Variants in KCNG2 observed in about 807,000 individuals in gnomAD.
KCNG2 encodes the protein voltage-gated potassium channel regulatory subunit KCNG2.
A neutral mutation model predicts 12.3 loss-of-function variants in KCNG2; 7 were observed. The ratio of observed to expected loss-of-function variants is 0.57; its 90% CI spans 0.32 to 1.07. KCNG2 has a LOEUF of 1.07. Ranked by LOEUF, KCNG2 falls within the 50% of genes least tolerant of loss-of-function variation. KCNG2 has a pLI of 0.04. For synonymous variants in KCNG2, 414 were observed against 351.4 expected, an observed-to-expected ratio of 1.18 and a Z score of -1.99; for missense variants, 703 against 726.0, an observed-to-expected ratio of 0.97 and a Z score of 0.36.
intron 1 of KCNG2, among the ~76,000 whole-genome samples, chr18:79,848,296 G>A (rs1395004993): frequency 2.0e-5 from 3 of 152,206 alleles, no homozygotes; most frequent in African/African-American, 7.2e-5. Context: ...TTAGAGCTGC[G>A]CAGCCTAAAA....
chr18:79,867,532 G>C (rs1379122208), intron 3 of KCNG2, among the ~76,000 whole-genome samples: 1 of 124,616 alleles, frequency 8.0e-6, no homozygotes, highest in Non-Finnish European at 1.7e-5. Flanking sequence ...TGTCTGGGGG[G>C]GGACCGTGAG....
Position 79,863,623 on chromosome 18 carries a change from TGCAGGAGCCGG to T in KCNG2, c.-35_-25del. The T allele has an allele frequency of 1.7e-3, 2,001 of 1,203,190 alleles. 46 individuals are homozygous for T. In the Admixed American group the frequency reaches 0.039, roughly 23 times the overall value. 74.5% of individuals were successfully genotyped at this position (1,203,190 alleles called of 1,614,324 possible). A position where few individuals can be genotyped will look rare whatever the true frequency, so the allele number is the denominator to read the frequency against. The stretch of plus-strand genomic sequence containing the variant: ...CGACCCTAACGCGGTCCGTTCCTTT[TGCAGGAGCCGG>T]GCAGGAGCCCCTCGGTCCGGTCCGG... On this transcript the variant is annotated splice_acceptor_variant and splice_polypyrimidine_tract_variant and 5_prime_UTR_variant and intron_variant, in exon 3 of 4. Transcript: ENST00000316249. LOFTEE classifies it low-confidence loss of function (5UTR_SPLICE).
intron 1 of KCNG2, among the ~76,000 whole-genome samples, chr18:79,835,602 G>A (rs1398156455): frequency 1.3e-5 from 2 of 152,222 alleles, no homozygotes; most frequent in Non-Finnish European, 2.9e-5. Context: ...GAACTGGAAG[G>A]TAGAATGGTA....
chr18:79,873,559 C>T (rs1000039171), intron 3 of KCNG2, among the ~76,000 whole-genome samples: 26 of 152,188 alleles, frequency 1.7e-4, no homozygotes, highest in African/African-American at 5.8e-4. Context: ...CCTAGCTGTC[C>T]GGCCGTGAGC....
At chr18:79,809,734 C>T (rs1230354265) in intron 1 of KCNG2, among the ~76,000 whole-genome samples, 1 of 152,252 alleles carries the variant, frequency 6.6e-6, no homozygotes, top group African/African-American at 2.4e-5. Context: ...AGGCAATCTT[C>T]ACGCCCACTC....
At chr18:79,801,888 G>A (rs972284929) in intron 1 of KCNG2, among the ~76,000 whole-genome samples, 7 of 152,184 alleles carry the variant, frequency 4.6e-5, no homozygotes, top group Middle Eastern at 3.2e-3. Context: ...TTCATTGCCC[G>A]CGTTTCTCAT....
chr18:79,869,538 A>G (rs1416702285), intron 3 of KCNG2, among the ~76,000 whole-genome samples: 1 of 151,626 alleles, frequency 6.6e-6, no homozygotes, highest in Non-Finnish European at 1.5e-5. Context: ...GGACACCTGG[A>G]CCCGCCCTGT....
In KCNG2 at chr18:79,822,398, A is replaced by G. The variant is rs2123006937; in HGVS notation, c.-115+24384A>G. Among the ~76,000 whole-genome samples the G allele has an allele frequency of 6.6e-6, 1 of 152,072 alleles. No homozygotes were observed. Among genetic ancestry groups the G allele is most frequent in the South Asian group, 2.1e-4 (1 of 4,804 alleles). On this transcript the variant is annotated intron_variant, in intron 1 of 3. Transcript: ENST00000316249. This position sits in a 1 kb window ranked among gnomAD's most constrained non-coding sequence, Gnocchi z 4.4. ...CATCATCCGTCTGTAATAGCTCTCC[A>G]GTTTGTTTTTCGTTTTTGTTTTTCA... is the stretch of plus-strand genomic sequence containing the variant.
Position 79,899,223 on chromosome 18 carries a change from C to T in KCNG2, c.808C>T (p.Leu270=). The change falls in exon 4 of 4, where the codon CTG becomes TTG. Residue 270 remains leucine (L), a synonymous_variant. Coordinates refer to ENST00000316249, the MANE Select transcript of KCNG2 (RefSeq NM_012283.2). ...GTTCTACGTGTCGCTGCTGCTGGGGCTGGCGGCAGGCCCGGGCGGGACCAA... is the reference window on the plus strand; with the variant it reads ...GTTCTACGTGTCGCTGCTGCTGGGGTTGGCGGCAGGCCCGGGCGGGACCAA... ...LPFYVSLLLG[L]AAGPGGTKLL... The T allele has an allele frequency of 2.5e-6, 4 of 1,601,208 alleles. No homozygotes were observed. Among genetic ancestry groups the T allele is most frequent in the Non-Finnish European group, 3.4e-6 (4 of 1,179,046 alleles).
intron 1 of KCNG2, among the ~76,000 whole-genome samples, chr18:79,851,447 C>T (rs1005895898): frequency 3.9e-5 from 6 of 152,220 alleles, no homozygotes; most frequent in African/African-American, 1.4e-4. Context: ...CACTTTCCAG[C>T]CCTCAGTCAA....
chr18:79,867,547 T>G (rs1281193174), intron 3 of KCNG2, among the ~76,000 whole-genome samples: 2 of 83,142 alleles, frequency 2.4e-5, no homozygotes, highest in East Asian at 4.1e-4. Context: ...CGTGAGCTCG[T>G]CGTGTGTCGT....
At position 79,872,103 on chromosome 18, in the gene KCNG2, G is replaced by T. The variant is rs944162172; in HGVS notation, c.624+7812G>T. 2.6e-5 allele frequency among the ~76,000 whole-genome samples: 4 copies of T among 152,044 alleles called. No homozygotes were observed. The East Asian group carries it at 7.7e-4, about 29-fold the overall frequency. On this transcript the variant is annotated intron_variant, in intron 3 of 3. Coordinates refer to ENST00000316249, the MANE Select transcript of KCNG2 (RefSeq NM_012283.2). Reference sequence around the variant, plus strand: ...AGAGGCTCGTGGAGGCCTGCAAACGGCAGGGCCTGGAAACTCCATGGGCAG... The same window carrying T: ...AGAGGCTCGTGGAGGCCTGCAAACGTCAGGGCCTGGAAACTCCATGGGCAG...
At chr18:79,827,872 G>T (rs1568248057) in intron 1 of KCNG2, among the ~76,000 whole-genome samples, 1 of 151,844 alleles carries the variant, frequency 6.6e-6, no homozygotes, top group Non-Finnish European at 1.5e-5. Flanking sequence ...TGTTTAAACA[G>T]AATTAGCAGT....
intron 1 of KCNG2, among the ~76,000 whole-genome samples, chr18:79,807,239 T>G (rs1426771249): frequency 6.6e-6 from 1 of 152,162 alleles, no homozygotes; most frequent in Non-Finnish European, 1.5e-5. Context: ...CGTCGCGTAG[T>G]CTGATGTTTT....
intron 1 of KCNG2, among the ~76,000 whole-genome samples, chr18:79,817,765 C>T (rs1409074950): frequency 1.3e-5 from 2 of 152,240 alleles, no homozygotes; most frequent in African/African-American, 4.8e-5. Flanking sequence ...TTAGCCACAA[C>T]CTCCTGTGGC....
chr18:79,869,563 C>T (rs921869683), intron 3 of KCNG2, among the ~76,000 whole-genome samples: 5 of 152,194 alleles, frequency 3.3e-5, no homozygotes, highest in African/African-American at 1.2e-4. Context: ...TCCAAGCAGG[C>T]TCTGTCCTCT....
rs1400295609 is a variant in KCNG2 at position 79,803,389 on chromosome 18, A to T, written c.-115+5375A>T. 6.6e-6 allele frequency among the ~76,000 whole-genome samples: 1 copy of T among 152,204 alleles called. No individual in the cohort carries two copies. Among genetic ancestry groups the T allele is most frequent in the Non-Finnish European group, 1.5e-5 (1 of 68,030 alleles). ...TTCTGACTGTGAACAAATTTCCTTG[A>T]TTTAATTTTCCCTTGTTTTCTGCCA... is the stretch of plus-strand genomic sequence containing the variant. On this transcript the variant is annotated intron_variant, in intron 1 of 3. Transcript: ENST00000316249. The surrounding 1 kb of genome is among the most constrained non-coding windows in gnomAD (Gnocchi z 4.5).
At position 79,854,292 on chromosome 18, in the gene KCNG2, G is replaced by A. The variant is rs545315937; in HGVS notation, c.-114-2087G>A. 5.9e-5 allele frequency among the ~76,000 whole-genome samples: 9 copies of A among 152,310 alleles called. No homozygotes were observed. The South Asian group carries it at 8.3e-4, about 14-fold the overall frequency. The stretch of plus-strand genomic sequence containing the variant: ...CAGTGGCCGTGTGTGCCTGGGTGCC[G>A]TGTCCTGCCTGGACGCCGTCACAAC... On this transcript the variant is annotated intron_variant, in intron 1 of 3. Coordinates refer to ENST00000316249, the MANE Select transcript of KCNG2 (RefSeq NM_012283.2).
intron 3 of KCNG2, among the ~76,000 whole-genome samples, chr18:79,893,454 AT>A (rs1980823330): frequency 6.6e-6 from 1 of 151,702 alleles, no homozygotes; most frequent in Non-Finnish European, 1.5e-5. Flanking sequence ...TGTTCACTCC[AT>A]TCATATCTAA....
Sources: gnomAD v4.1 joint callset for allele counts (sites outside exome capture counted in the v4.1 genomes callset) on GRCh38, gnomAD v4.1.1 for gene constraint, Gnocchi (gnomAD v3.1) non-coding constraint, MANE v1.5 for transcripts, NCBI Gene and HGNC (gene_info 2026-07-23, HGNC 2026-07-21) for gene names.